Variants in AUH observed in about 807,000 individuals in gnomAD.
AUH encodes the protein AU RNA binding methylglutaconyl-CoA hydratase, also known as methylglutaconyl-CoA hydratase, mitochondrial.
Under a neutral mutation model 42.3 loss-of-function variants are expected in AUH, and 29 were observed. The observed-to-expected ratio is 0.69, with a 90% CI of 0.51 to 0.93. AUH has a LOEUF of 0.93. AUH is among the 40% of genes least tolerant of loss of function. The pLI, the probability that AUH is intolerant of heterozygous loss-of-function variation, is 0.00. For missense variants in AUH, 452 were observed against 438.1 expected (o/e 1.03, Z -0.28); for synonymous variants, 174 against 166.4 (o/e 1.05, Z -0.35).
intron 6 of AUH, among the ~76,000 whole-genome samples, chr9:91,294,189 T>C (rs915555963): frequency 1.3e-5 from 2 of 152,356 alleles, no homozygotes; most frequent in Middle Eastern, 3.4e-3. Context: ...GTTGTTTTCA[T>C]GCCTGATAAC....
chr9:91,333,440 T>C lies in AUH; in HGVS notation c.419-8036A>G, dbSNP rs76136835. ...AAAAGTTTTCTTCTGGATTGAATTT[T>C]CATTACAAGTATTATTAGCACAGAA... On this transcript the variant is annotated intron_variant, in intron 3 of 9. Coordinates refer to ENST00000375731, the MANE Select transcript of AUH (RefSeq NM_001698.3). Among the ~76,000 whole-genome samples, 442 of 152,362 alleles carry C rather than the reference T, an allele frequency of 2.9e-3. 2 individuals carry two copies. Among genetic ancestry groups the C allele is most frequent in the Non-Finnish European group, 2.9e-3 (196 of 68,032 alleles).
At chr9:91,336,400 C>T (rs1481116580) in intron 3 of AUH, among the ~76,000 whole-genome samples, 2 of 152,044 alleles carry the variant, frequency 1.3e-5, no homozygotes, top group Admixed American at 6.5e-5. Context: ...GAGGCCAAGG[C>T]GGGTGAATCA....
intron 6 of AUH, among the ~76,000 whole-genome samples, chr9:91,236,995 A>G (rs1443337290): frequency 6.6e-6 from 1 of 152,214 alleles, no homozygotes; most frequent in Admixed American, 6.5e-5. Context: ...AATATTTAGC[A>G]TTTTAAACAC....
At position 91,298,099 on chromosome 9, in the gene AUH, T is replaced by C. The variant is rs759735568; in HGVS notation, c.506-23A>G. 2.6e-5 allele frequency: 40 copies of C among 1,552,542 alleles called. 1 individual carries two copies. The South Asian group carries it at 3.7e-4, about 14-fold the overall frequency. On this transcript the variant is annotated intron_variant, in intron 4 of 9. Coordinates refer to ENST00000375731, the MANE Select transcript of AUH (RefSeq NM_001698.3). ...TAGCTGAAATGGAAAGAAAATTTTATGCTTCCTTAATAAGATTATTATCTC... is the reference window on the plus strand; with the variant it reads ...TAGCTGAAATGGAAAGAAAATTTTACGCTTCCTTAATAAGATTATTATCTC...
chr9:91,271,476 A>G (rs1484006955), intron 6 of AUH, among the ~76,000 whole-genome samples: 2 of 152,220 alleles, frequency 1.3e-5, no homozygotes, highest in African/African-American at 4.8e-5. Flanking sequence ...AGATATTAAG[A>G]CTGCTTCTGC....
At chr9:91,268,459 C>A (rs1334478246) in intron 6 of AUH, among the ~76,000 whole-genome samples, 1 of 151,920 alleles carries the variant, frequency 6.6e-6, no homozygotes, top group Non-Finnish European at 1.5e-5. Context: ...GAGACGGAGT[C>A]TCACTCTGCT....
intron 6 of AUH, among the ~76,000 whole-genome samples, chr9:91,252,964 T>C (rs1564031956): frequency 2.0e-5 from 3 of 152,242 alleles, no homozygotes. Context: ...TCTTTTTCTA[T>C]ACATCCAACA....
intron 6 of AUH, among the ~76,000 whole-genome samples, chr9:91,258,677 T>C (rs1442417516): frequency 6.6e-6 from 1 of 152,254 alleles, no homozygotes; most frequent in East Asian, 1.9e-4. Flanking sequence ...TCACTAAATA[T>C]GCTAACTGTA....
intron 6 of AUH, among the ~76,000 whole-genome samples, chr9:91,249,083 G>A (rs1479441324): frequency 6.6e-6 from 1 of 151,936 alleles, no homozygotes; most frequent in Non-Finnish European, 1.5e-5. Context: ...GATCACTTGA[G>A]CCCAGGAGTT....
intron 7 of AUH, 40 bp from the exon 8 acceptor site, chr9:91,217,367 T>C (rs1564003465): frequency 1.3e-6 from 2 of 1,577,872 alleles, no homozygotes; most frequent in East Asian, 4.5e-5. Context: ...AATTATTTTT[T>C]ATGCAAATTA....
chr9:91,263,219 T>G (rs2131455760), intron 6 of AUH, among the ~76,000 whole-genome samples: 2 of 152,336 alleles, frequency 1.3e-5, no homozygotes, highest in Middle Eastern at 3.4e-3. Context: ...TATACCATGG[T>G]TTACCACAGG....
chr9:91,251,528 C>T (rs79936728), intron 6 of AUH, among the ~76,000 whole-genome samples: 4,752 of 152,204 alleles, frequency 0.031, 231 homozygotes, highest in African/African-American at 0.1. Context: ...CAATCACTGG[C>T]TGATCATGTA....
At chr9:91,306,314 G>C (rs1828215497) in intron 4 of AUH, 2 of 974,484 alleles carry the variant, frequency 2.1e-6, no homozygotes, top group African/African-American at 1.8e-5. Flanking sequence ...ATCTTATCTG[G>C]AAGGTTACAC....
chr9:91,280,605 A>G (rs1301057767), intron 6 of AUH, among the ~76,000 whole-genome samples: 1 of 152,212 alleles, frequency 6.6e-6, no homozygotes, highest in East Asian at 1.9e-4. Flanking sequence ...GGGCAGTTAA[A>G]GTAAATAACA....
At chr9:91,321,284 T>C (rs1293777747) in intron 4 of AUH, among the ~76,000 whole-genome samples, 3 of 152,230 alleles carry the variant, frequency 2.0e-5, no homozygotes, top group Non-Finnish European at 4.4e-5. Context: ...TAGTGAGTAC[T>C]TGACTTATTT....
intron 4 of AUH, among the ~76,000 whole-genome samples, chr9:91,308,811 A>T (rs1828439563): frequency 6.8e-6 from 1 of 147,484 alleles, no homozygotes; most frequent in Non-Finnish European, 1.5e-5. Context: ...TTTTTTTGAG[A>T]CGCAGTTTCG....
chr9:91,313,501 C>A (rs560897636), intron 4 of AUH, among the ~76,000 whole-genome samples: 3 of 151,072 alleles, frequency 2.0e-5, no homozygotes, highest in Non-Finnish European at 4.4e-5. Context: ...GTCAGGAGAT[C>A]GAGACCATCC....
chr9:91,220,993 CT>C lies in AUH; in HGVS notation c.656-2del, dbSNP rs780964098. Reference sequence around the variant, plus strand: ...GCGCGTGGCAATCGCTGTGTCCCCCCTGAGGGGTGAAAGAGAGAGAAAAGGC... The same window carrying C: ...GCGCGTGGCAATCGCTGTGTCCCCCCGAGGGGTGAAAGAGAGAGAAAAGGC... On this transcript the variant is annotated splice_acceptor_variant, in intron 6 of 9. Transcript: ENST00000375731. LOFTEE classifies it high-confidence loss of function. 14 of 1,613,984 alleles carry C rather than the reference CT, an allele frequency of 8.7e-6. No homozygotes were observed. Among genetic ancestry groups the C allele is most frequent in the Admixed American group, 1.7e-5 (1 of 60,000 alleles).
intron 6 of AUH, among the ~76,000 whole-genome samples, chr9:91,230,571 G>A (rs139454338): frequency 0.1 from 15,429 of 152,136 alleles, 798 homozygotes; most frequent in Middle Eastern, 0.12. Context: ...GTCATTCTCC[G>A]TCCAGCTTTG....
Sources: allele counts gnomAD v4.1 joint callset (sites outside exome capture counted in the v4.1 genomes callset), GRCh38; gene constraint gnomAD v4.1.1; transcripts MANE v1.5; gene names NCBI Gene and HGNC (gene_info 2026-07-23, HGNC 2026-07-21).